EPB41: variants seen among roughly 807,000 people sequenced by gnomAD.
The protein encoded by EPB41 is erythrocyte membrane protein band 4.1, also known as protein 4.1.
A neutral mutation model predicts 108.0 loss-of-function variants in EPB41; 65 were observed. That is an observed-to-expected ratio of 0.60 (90% CI 0.49 to 0.74). The LOEUF (loss-of-function observed/expected upper bound fraction) is 0.74. Ranked by LOEUF, EPB41 falls within the 30% of genes least tolerant of loss-of-function variation. EPB41 has a pLI of 0.00. For synonymous variants in EPB41, 336 were observed against 358.9 expected (o/e 0.94, Z 0.72); for missense variants, 875 against 1,037.0 (o/e 0.84, Z 2.15).
At position 28,896,559 on chromosome 1, in the gene EPB41, C is replaced by A. The variant is rs978727278; in HGVS notation, c.-8+9349C>A. Among the ~76,000 whole-genome samples, 4 of 152,216 alleles carry A rather than the reference C, an allele frequency of 2.6e-5. No homozygotes were observed. In the South Asian group the frequency reaches 6.2e-4, roughly 24 times the overall value. ...AAGATGCAGAAATCACCAACTCCAC[C>A]TTTATTGAATAGGTGTTCTTATGCA... On this transcript the variant is annotated intron_variant, in intron 1 of 16. Transcript: ENST00000347529.
rs1429380831 is a variant in EPB41 at position 29,119,290 on chromosome 1, TTGTG to T, written c.*2482_*2485del. On this transcript the variant is annotated 3_prime_UTR_variant, in exon 21 of 21. Coordinates refer to ENST00000343067, the MANE Select transcript of EPB41 (RefSeq NM_001376013.1). ...GTTTGGATTTTTTTTCTTTCTGCAGTTGTGTGTATGTGTGTTTGTGTGAAGAAAA... is the reference window on the plus strand; with the variant it reads ...GTTTGGATTTTTTTTCTTTCTGCAGTTGTATGTGTGTTTGTGTGAAGAAAA... 2 of 152,714 alleles carry T rather than the reference TTGTG, an allele frequency of 1.3e-5. No homozygotes were observed. The highest frequency in any genetic ancestry group is 2.4e-5 in the African/African-American group (1 of 41,534). The allele number at this position is 152,714 out of a possible 1,614,324, so 9.5% of individuals were successfully genotyped here.
chr1:28,931,169 T>G (rs1278542354), intron 1 of EPB41, among the ~76,000 whole-genome samples: 1 of 152,050 alleles, frequency 6.6e-6, no homozygotes, highest in East Asian at 1.9e-4. Context: ...GAGGCTGACG[T>G]AGGAGGATAG....
At chr1:28,907,156 C>T (rs1246648908) in intron 1 of EPB41, among the ~76,000 whole-genome samples, 1 of 151,884 alleles carries the variant, frequency 6.6e-6, no homozygotes, top group East Asian at 1.9e-4. Context: ...CGTCCGCCTC[C>T]TGGGTTCAAG....
At chr1:29,027,347 T>C (rs1395666973) in intron 7 of EPB41, among the ~76,000 whole-genome samples, 1 of 151,836 alleles carries the variant, frequency 6.6e-6, no homozygotes, top group Non-Finnish European at 1.5e-5. Flanking sequence ...TTTTTTTTTT[T>C]TTTGAGATGG....
chr1:28,962,762 T>C (rs979442212), intron 1 of EPB41, among the ~76,000 whole-genome samples: 3 of 152,282 alleles, frequency 2.0e-5, no homozygotes, highest in Non-Finnish European at 2.9e-5. Flanking sequence ...CCAAACCCCA[T>C]TGCCCCTCAG....
intron 16 of EPB41, among the ~76,000 whole-genome samples, chr1:29,091,712 T>C (rs570786543): frequency 3.3e-5 from 5 of 152,376 alleles, no homozygotes; most frequent in African/African-American, 9.6e-5. Flanking sequence ...GAATAATTGC[T>C]GTATCTCAGA....
intron 17 of EPB41, among the ~76,000 whole-genome samples, chr1:29,100,798 G>A (rs1419830237): frequency 6.7e-6 from 1 of 148,378 alleles, no homozygotes. Flanking sequence ...TGGGTGTGGT[G>A]GCATAGCTGT....
rs542507363 is a variant in EPB41, at chr1:29,051,935, C to T, written c.1637-1169C>T. Among the ~76,000 whole-genome samples the T allele has an allele frequency of 1.6e-4, 24 of 149,732 alleles. No homozygotes were observed. In the East Asian group the frequency reaches 4.5e-3, roughly 28 times the overall value. On this transcript the variant is annotated intron_variant, in intron 11 of 20. Transcript: ENST00000343067. Reference sequence around the variant, plus strand: ...AAAGTCTCAGTACAAAAGAGGATAACAATATGTTATCAGAAATACTAAATC... The same window carrying T: ...AAAGTCTCAGTACAAAAGAGGATAATAATATGTTATCAGAAATACTAAATC...
chr1:29,004,996 C>CT (rs1557992416), intron 4 of EPB41, among the ~76,000 whole-genome samples: 1 of 151,870 alleles, frequency 6.6e-6, no homozygotes, highest in South Asian at 2.1e-4. Flanking sequence ...GAATGGAGTT[C>CT]TTTTTTTTAA....
chr1:29,053,077 T>C lies in EPB41; in HGVS notation c.1637-27T>C, dbSNP rs375461689. ...ATACAGTAGCTCTGGCCTTTACTTA[T>C]GCTTCCCTTTTCCCTTTCTCACATA... On this transcript the variant is annotated intron_variant, in intron 11 of 20. Coordinates refer to ENST00000343067, the MANE Select transcript of EPB41 (RefSeq NM_001376013.1). 13 of 1,612,064 alleles carry C rather than the reference T, an allele frequency of 8.1e-6. No homozygotes were observed. In the South Asian group the frequency reaches 8.8e-5, roughly 11 times the overall value.
intron 4 of EPB41, among the ~76,000 whole-genome samples, chr1:29,010,648 G>A (rs1283906833): frequency 1.3e-4 from 20 of 152,146 alleles, no homozygotes; most frequent in Admixed American, 1.3e-3. Context: ...ATTTTGCATG[G>A]TCTACCATGG....
Position 28,928,399 on chromosome 1 carries a change from C to T in EPB41, c.-8+13631C>T, listed in dbSNP as rs542738063. 3.3e-5 allele frequency among the ~76,000 whole-genome samples: 5 copies of T among 152,278 alleles called. No individual in the cohort carries two copies. The South Asian group carries it at 1.0e-3, about 32-fold the overall frequency. ...TTCTTTCATGTGATCAACACCAGGT[C>T]TATATAACCCTTAGGGGAGACCACA... On this transcript the variant is annotated intron_variant, in intron 1 of 20. Transcript: ENST00000343067.
intron 1 of EPB41, among the ~76,000 whole-genome samples, 165 bp from the exon 2 acceptor site, chr1:28,987,261 TAGATA>T (rs1220763475): frequency 2.6e-5 from 4 of 152,234 alleles, no homozygotes; most frequent in Non-Finnish European, 5.9e-5. Context: ...TCAGGATGTG[TAGATA>T]AGATATTTTT....
chr1:28,911,769 A>G (rs150091), upstream of EPB41, among the ~76,000 whole-genome samples: 67,261 of 152,016 alleles, frequency 0.44, 17,387 homozygotes, highest in East Asian at 0.85. Flanking sequence ...GTGGCCAGGC[A>G]TGGTGGCTCA....
At chr1:28,908,474 C>T (rs2092009256) in intron 1 of EPB41, among the ~76,000 whole-genome samples, 2 of 150,790 alleles carry the variant, frequency 1.3e-5, no homozygotes, top group African/African-American at 4.9e-5. Flanking sequence ...CCCTGTTGCC[C>T]AAGCTGGAGT....
At chr1:29,059,752 T>G (rs1270573784) in intron 14 of EPB41, among the ~76,000 whole-genome samples, 1 of 152,162 alleles carries the variant, frequency 6.6e-6, no homozygotes, top group Non-Finnish European at 1.5e-5. Context: ...CATTCCAGCC[T>G]AGGTGACAGA....
At chr1:29,026,209 G>A (rs1404868300) in intron 7 of EPB41, among the ~76,000 whole-genome samples, 1 of 152,126 alleles carries the variant, frequency 6.6e-6, no homozygotes, top group East Asian at 1.9e-4. Flanking sequence ...ATTATACAGA[G>A]GGATTGATCA....
intron 16 of EPB41, among the ~76,000 whole-genome samples, chr1:29,095,900 TA>T (rs1663045526): frequency 6.6e-6 from 1 of 152,164 alleles, no homozygotes; most frequent in Non-Finnish European, 1.5e-5. Context: ...CATAGGAATA[TA>T]AATTGCTGGA....
chr1:29,086,564 G>A (rs1003938717), intron 16 of EPB41, among the ~76,000 whole-genome samples: 1 of 151,972 alleles, frequency 6.6e-6, no homozygotes, highest in Non-Finnish European at 1.5e-5. Flanking sequence ...GAGCCACCGC[G>A]CCCGGCCACC....
Sources: allele counts gnomAD v4.1 joint callset (sites outside exome capture counted in the v4.1 genomes callset), GRCh38; gene constraint gnomAD v4.1.1; transcripts MANE v1.5; gene names NCBI Gene and HGNC (gene_info 2026-07-23, HGNC 2026-07-21).